The following CCSER1 variants were observed in gnomAD, a reference collection of about 807,000 sequenced individuals.
CCSER1 encodes the protein coiled-coil serine rich protein 1.
CCSER1 carries 41 observed loss-of-function variants against 82.0 expected under a neutral mutation model. The ratio of observed to expected loss-of-function variants is 0.50; its 90% CI spans 0.39 to 0.65. CCSER1 has a LOEUF of 0.65. Ranked by LOEUF, CCSER1 falls within the 30% of genes least tolerant of loss-of-function variation. The pLI, the probability that CCSER1 is intolerant of heterozygous loss-of-function variation, is 0.00. For missense variants in CCSER1, 1,119 were observed against 1,064.2 expected (o/e 1.05, Z -0.72); for synonymous variants, 414 against 383.9 (o/e 1.08, Z -0.92).
intron 10 of CCSER1, among the ~76,000 whole-genome samples, chr4:91,217,562 A>T (rs1202172174): frequency 6.6e-6 from 1 of 151,234 alleles, no homozygotes. Context: ...TGGTGTATTT[A>T]CAATCCCTGA....
intron 5 of CCSER1, among the ~76,000 whole-genome samples, chr4:90,543,730 T>C (rs548888476): frequency 1.1e-4 from 16 of 152,306 alleles, no homozygotes; most frequent in Middle Eastern, 3.4e-3. Flanking sequence ...CCTGTAAGCC[T>C]GTTCACTGCA....
chr4:90,243,566 TGG>T (rs1376321205), intron 1 of CCSER1, among the ~76,000 whole-genome samples: 1 of 148,328 alleles, frequency 6.7e-6, no homozygotes, highest in African/African-American at 2.6e-5. Flanking sequence ...TTTTTTATTT[TGG>T]GGAGGTGGGG....
intron 1 of CCSER1, among the ~76,000 whole-genome samples, chr4:90,243,449 A>G (rs1720776027): frequency 6.6e-6 from 1 of 151,964 alleles, no homozygotes; most frequent in Non-Finnish European, 1.5e-5. Flanking sequence ...GGGTTTCACC[A>G]TGTTGGTCAG....
At chr4:91,465,512 C>G (rs1756837302) in intron 10 of CCSER1, among the ~76,000 whole-genome samples, 1 of 152,060 alleles carries the variant, frequency 6.6e-6, no homozygotes, top group Non-Finnish European at 1.5e-5. Context: ...CAGAGCAGAA[C>G]TGAAGGAGAT....
chr4:90,739,309 C>G (rs973928625), intron 7 of CCSER1, among the ~76,000 whole-genome samples: 1 of 152,190 alleles, frequency 6.6e-6, no homozygotes, highest in African/African-American at 2.4e-5. Flanking sequence ...GCCTGTTGCC[C>G]TATTCTATTG....
At chr4:90,251,570 A>T (rs1454285845) in intron 1 of CCSER1, among the ~76,000 whole-genome samples, 1 of 151,870 alleles carries the variant, frequency 6.6e-6, no homozygotes, top group Non-Finnish European at 1.5e-5. Flanking sequence ...TTCTGGAAAA[A>T]TTCCACTTCC....
At position 91,604,361 on chromosome 4, in the gene CCSER1, C is replaced by T. The variant is rs968923732; in HGVS notation, c.*5304C>T. 1 of 151,958 alleles carries T rather than the reference C, an allele frequency of 6.6e-6. No individual in the cohort carries two copies. Among genetic ancestry groups the T allele is most frequent in the African/African-American group, 2.4e-5 (1 of 41,404 alleles). 9.4% of individuals were successfully genotyped at this position (151,958 alleles called of 1,614,324 possible). A position where few individuals can be genotyped will look rare whatever the true frequency, so the allele number is the denominator to read the frequency against. On this transcript the variant is annotated 3_prime_UTR_variant, in exon 11 of 11. Coordinates refer to ENST00000509176, the MANE Select transcript of CCSER1 (RefSeq NM_001145065.2). The stretch of plus-strand genomic sequence containing the variant: ...TAAGCAATGATCTATTTTAGGAAAT[C>T]AAAATACTGTTCATTGAAAAGCAGT...
chr4:90,888,746 A>G (rs994474878), intron 8 of CCSER1, among the ~76,000 whole-genome samples: 1 of 152,186 alleles, frequency 6.6e-6, no homozygotes, highest in African/African-American at 2.4e-5. Flanking sequence ...GATGTAAGTA[A>G]CATAAAGAGC....
chr4:90,717,178 A>C (rs1042618476), intron 6 of CCSER1, among the ~76,000 whole-genome samples: 1 of 152,168 alleles, frequency 6.6e-6, no homozygotes, highest in Non-Finnish European at 1.5e-5. Context: ...AATGTTGATT[A>C]GGCCTTGATT....
At chr4:91,182,629 A>G (rs956382665) in intron 10 of CCSER1, among the ~76,000 whole-genome samples, 8 of 152,338 alleles carry the variant, frequency 5.3e-5, no homozygotes, top group African/African-American at 1.7e-4. Context: ...AAATATAGCT[A>G]GAGCTTGGCT....
chr4:91,419,599 GAATT>G (rs1372478094), intron 10 of CCSER1, among the ~76,000 whole-genome samples: 1 of 152,010 alleles, frequency 6.6e-6, no homozygotes, highest in Non-Finnish European at 1.5e-5. Context: ...TGGATTGAAA[GAATT>G]AATCTTGTTA....
At position 90,313,305 on chromosome 4, in the gene CCSER1, G is replaced by A. The variant is rs371123971; in HGVS notation, c.1509+258G>A. 1.4e-4 allele frequency among the ~76,000 whole-genome samples: 21 copies of A among 152,228 alleles called. No individual in the cohort carries two copies. In the South Asian group the frequency reaches 4.4e-3, roughly 32 times the overall value. ...TTTGACATTCTTTATTCTAGAACAA[G>A]ACACTTGAATACAGAAACTAGGGAA... On this transcript the variant is annotated intron_variant, in intron 3 of 10. Transcript: ENST00000509176.
chr4:91,175,076 G>T (rs1258422161), intron 10 of CCSER1, among the ~76,000 whole-genome samples: 1 of 151,978 alleles, frequency 6.6e-6, no homozygotes, highest in Admixed American at 6.6e-5. Flanking sequence ...TGTGGTGTTT[G>T]GTTTTCTGTC....
intron 10 of CCSER1, among the ~76,000 whole-genome samples, chr4:91,379,753 T>G (rs1750726197): frequency 6.6e-6 from 1 of 152,240 alleles, no homozygotes; most frequent in Non-Finnish European, 1.5e-5. Context: ...CTCCTTCAGT[T>G]CTGCTCTGAT....
At chr4:90,732,027 T>TTCTCTCTCTCTCTC (rs76331329) in intron 7 of CCSER1, among the ~76,000 whole-genome samples, 1,362 of 131,084 alleles carry the variant, frequency 0.01, 46 homozygotes, top group African/African-American at 0.031. Flanking sequence ...CTATTGGGAT[T>TTCTCTCTCTCTCTC]TCTCTCTCTC....
chr4:91,594,412 CAT>C (rs201258284), intron 10 of CCSER1, among the ~76,000 whole-genome samples: 3,081 of 120,280 alleles, frequency 0.026, 47 homozygotes, highest in Non-Finnish European at 0.038. Flanking sequence ...CATATATACA[CAT>C]ATATATACAT....
At chr4:90,704,575 A>C (rs1349532733) in intron 6 of CCSER1, among the ~76,000 whole-genome samples, 2 of 152,172 alleles carry the variant, frequency 1.3e-5, no homozygotes, top group Non-Finnish European at 2.9e-5. Context: ...GTGTTTTCCA[A>C]GTTGGTTCCA....
chr4:91,193,439 A>T (rs1169731168), intron 10 of CCSER1, among the ~76,000 whole-genome samples: 3 of 152,214 alleles, frequency 2.0e-5, no homozygotes, highest in Non-Finnish European at 4.4e-5. Context: ...TCCACTTCCC[A>T]GTATTGAAAG....
intron 9 of CCSER1, among the ~76,000 whole-genome samples, chr4:91,027,916 ACT>A (rs1740633452): frequency 6.6e-6 from 1 of 152,022 alleles, no homozygotes; most frequent in Non-Finnish European, 1.5e-5. Context: ...GTCCGTTATA[ACT>A]CTGTTGCAAT....
Sources: allele counts gnomAD v4.1 joint callset (sites outside exome capture counted in the v4.1 genomes callset), GRCh38; gene constraint gnomAD v4.1.1; transcripts MANE v1.5; gene names NCBI Gene and HGNC (gene_info 2026-07-23, HGNC 2026-07-21).